Variants in HK1 observed in about 807,000 individuals in gnomAD.
HK1 encodes the protein hexokinase 1, also known as hexokinase-1.
In HK1, 28 loss-of-function variants were observed where a neutral mutation model predicts 91.6. The ratio of observed to expected loss-of-function variants is 0.31; its 90% CI spans 0.23 to 0.42. HK1 has a LOEUF of 0.42. HK1 is among the 10% of genes least tolerant of loss of function. HK1 has a pLI of 1.00. For synonymous variants in HK1, 430 were observed against 468.1 expected (o/e 0.92, Z 1.05); for missense variants, 770 against 1,219.8 (o/e 0.63, Z 5.49).
At chr10:69,313,212 G>GA (rs958843865), upstream of HK1, among the ~76,000 whole-genome samples, 12 of 152,206 alleles carry the variant, frequency 7.9e-5, no homozygotes, top group Non-Finnish European at 1.5e-4. Context: ...ATTAGGAGCT[G>GA]AAAATGTCAA....
chr10:69,285,838 A>C (rs1473291607), intron 2 of HK1, among the ~76,000 whole-genome samples: 1 of 152,204 alleles, frequency 6.6e-6, no homozygotes, highest in Non-Finnish European at 1.5e-5. Context: ...TCTCTAGACA[A>C]AAAGCAACTC....
At chr10:69,307,740 T>G (rs1373814751) in intron 5 of HK1, among the ~76,000 whole-genome samples, 4 of 152,252 alleles carry the variant, frequency 2.6e-5, no homozygotes, top group Admixed American at 2.6e-4. Context: ...AACAATGGTG[T>G]ATAGTAAGTT....
At position 69,297,713 on chromosome 10, in the gene HK1, G is replaced by A. The variant is rs536264833; in HGVS notation, c.-67+2033G>A. 3.1e-4 allele frequency among the ~76,000 whole-genome samples: 46 copies of A among 148,828 alleles called. 2 individuals carry two copies. The South Asian group carries it at 9.4e-3, about 30-fold the overall frequency. ...TGTTTAAGACCAGCCTGGCCAACAC[G>A]GTAAAACCCCATCTCTACTAAAAAT... On this transcript the variant is annotated intron_variant, in intron 4 of 21. Coordinates refer to the HK1 transcript ENST00000360289.
At chr10:69,384,084 A>C (rs888784638) in intron 10 of HK1, among the ~76,000 whole-genome samples, 3 of 152,220 alleles carry the variant, frequency 2.0e-5, no homozygotes, top group Non-Finnish European at 4.4e-5. Flanking sequence ...GCCCTGGTGA[A>C]GTCTGTGTAT....
At chr10:69,321,966 G>C (rs1242722494) in intron 1 of HK1, among the ~76,000 whole-genome samples, 6 of 152,224 alleles carry the variant, frequency 3.9e-5, no homozygotes, top group Non-Finnish European at 8.8e-5. Context: ...CCATTCATCA[G>C]AATCCCAGAC....
chr10:69,329,121 T>C (rs1487112623), intron 1 of HK1, among the ~76,000 whole-genome samples: 1 of 152,138 alleles, frequency 6.6e-6, no homozygotes, highest in Admixed American at 6.6e-5. Context: ...TCTGAACATT[T>C]GTGTGTGAAT....
chr10:69,306,519 C>T (rs1846114587), intron 5 of HK1, among the ~76,000 whole-genome samples: 2 of 152,140 alleles, frequency 1.3e-5, no homozygotes, highest in Non-Finnish European at 2.9e-5. Context: ...TTAGTGTTCC[C>T]TGAACCCACA....
chr10:69,320,761 T>G (rs1018260736), intron 1 of HK1, among the ~76,000 whole-genome samples: 1 of 152,150 alleles, frequency 6.6e-6, no homozygotes, highest in Non-Finnish European at 1.5e-5. Flanking sequence ...GACTGCTGGC[T>G]GTTGGCTGCC....
chr10:69,289,961 C>G (rs570622016), intron 3 of HK1, among the ~76,000 whole-genome samples: 7 of 152,042 alleles, frequency 4.6e-5, no homozygotes, highest in Non-Finnish European at 2.9e-5. Context: ...TGATTCTCCC[C>G]CTGGATGTTG....
intron 1 of HK1, among the ~76,000 whole-genome samples, chr10:69,328,087 T>C (rs550510113): frequency 6.6e-6 from 1 of 152,240 alleles, no homozygotes; most frequent in East Asian, 1.9e-4. Context: ...CCGACCCGGG[T>C]AGGGCAGGCT....
chr10:69,371,574 C>G (rs150403843), intron 7 of HK1, among the ~76,000 whole-genome samples: 27 of 152,220 alleles, frequency 1.8e-4, no homozygotes, highest in Admixed American at 1.8e-3. Flanking sequence ...TACTATCAGT[C>G]ACTTAATGAG....
At chr10:69,355,568 T>G (rs1203597524) in intron 2 of HK1, among the ~76,000 whole-genome samples, 1 of 151,896 alleles carries the variant, frequency 6.6e-6, no homozygotes, top group African/African-American at 2.4e-5. Flanking sequence ...GGCTGGTGGA[T>G]CACCTGAGGT....
chr10:69,331,373 A>C (rs1182243117), intron 1 of HK1, among the ~76,000 whole-genome samples: 1 of 152,228 alleles, frequency 6.6e-6, no homozygotes, highest in Non-Finnish European at 1.5e-5. Flanking sequence ...GGCCTTCTTC[A>C]TAGAAACTGT....
intron 2 of HK1, 82 bp from the exon 3 acceptor site, chr10:69,359,815 C>G (rs369421672): frequency 7.4e-7 from 1 of 1,351,526 alleles, no homozygotes; most frequent in Non-Finnish European, 1.1e-6. Flanking sequence ...ACAGGGCCTA[C>G]GCCCTGCCAG....
chr10:69,311,409 G>A (rs949273226), upstream of HK1, among the ~76,000 whole-genome samples: 3 of 152,166 alleles, frequency 2.0e-5, no homozygotes, highest in Non-Finnish European at 4.4e-5. Context: ...GGAAAGGATT[G>A]AGGACTTTTT....
At chr10:69,364,150 G>A (rs1288317763) in intron 3 of HK1, among the ~76,000 whole-genome samples, 2 of 152,222 alleles carry the variant, frequency 1.3e-5, no homozygotes, top group Admixed American at 6.5e-5. Flanking sequence ...GCAGAAGGGG[G>A]CATATTACAG....
chr10:69,288,798 T>C, intron 3 of HK1: 3 of 1,607,212 alleles, frequency 1.9e-6, no homozygotes, highest in Non-Finnish European at 2.6e-6. Context: ...TTTCTTTCTT[T>C]CTTTTTTTGA....
Position 69,380,191 on chromosome 10 carries a change from G to A in HK1, c.1265+96G>A, listed in dbSNP as rs1449886859. On this transcript the variant is annotated intron_variant, in intron 9 of 17. Coordinates refer to ENST00000359426, the MANE Select transcript of HK1 (RefSeq NM_000188.3). The surrounding 1 kb of genome is among the most constrained non-coding windows in gnomAD (Gnocchi z 4.0). Reference sequence around the variant, plus strand: ...CTTTTGTACCCGGTAAACGTTTTTCGGCAGACAAGACAATGGTGGTCGGGG... The same window carrying A: ...CTTTTGTACCCGGTAAACGTTTTTCAGCAGACAAGACAATGGTGGTCGGGG... 13 of 997,530 alleles carry A rather than the reference G, an allele frequency of 1.3e-5. No individual in the cohort carries two copies. Among genetic ancestry groups the A allele is most frequent in the Admixed American group, 3.9e-5 (2 of 51,430 alleles). 61.8% of individuals were successfully genotyped at this position (997,530 alleles called of 1,614,324 possible).
At chr10:69,338,410 C>T in intron 1 of HK1, 2 of 1,230,104 alleles carry the variant, frequency 1.6e-6, no homozygotes, top group East Asian at 5.7e-5. Flanking sequence ...CAGAGTCCCA[C>T]ATATTCGTCT....
Sources: allele counts gnomAD v4.1 joint callset (sites outside exome capture counted in the v4.1 genomes callset), GRCh38; gene constraint gnomAD v4.1.1; non-coding constraint Gnocchi (gnomAD v3.1); transcripts MANE v1.5; gene names NCBI Gene and HGNC (gene_info 2026-07-23, HGNC 2026-07-21).